Variants in HSD17B2 observed in about 807,000 individuals in gnomAD.
The protein encoded by HSD17B2 is 17-beta-hydroxysteroid dehydrogenase type 2.
A neutral mutation model predicts 26.9 loss-of-function variants in HSD17B2; 32 were observed. That is an observed-to-expected ratio of 1.19 (90% CI 0.90 to 1.60). HSD17B2 has a LOEUF of 1.60. Ranked by LOEUF, HSD17B2 falls within the 40% of genes most tolerant of loss-of-function variation. The pLI is 0.00. For missense variants in HSD17B2, 613 were observed against 468.6 expected, an observed-to-expected ratio of 1.31 and a Z score of -2.85; for synonymous variants, 246 against 186.7, an observed-to-expected ratio of 1.32 and a Z score of -2.59.
chr16:82,047,219 TC>T (rs1913959460), intron 1 of HSD17B2, among the ~76,000 whole-genome samples: 1 of 152,222 alleles, frequency 6.6e-6, no homozygotes, highest in Non-Finnish European at 1.5e-5. Context: ...GTCACTGTTT[TC>T]CAAATATTCC....
At chr16:82,080,262 C>G (rs1042993399) in intron 3 of HSD17B2, among the ~76,000 whole-genome samples, 6 of 152,148 alleles carry the variant, frequency 3.9e-5, no homozygotes, top group African/African-American at 1.2e-4. Context: ...AACCTGTGAG[C>G]CTGTTACCTC....
At chr16:82,064,818 G>C (rs1914533099) in intron 1 of HSD17B2, among the ~76,000 whole-genome samples, 1 of 152,152 alleles carries the variant, frequency 6.6e-6, no homozygotes, top group South Asian at 2.1e-4. Flanking sequence ...GCTCTTATTT[G>C]TAGCTTTGCC....
chr16:82,073,848 A>G (rs1364543142), intron 3 of HSD17B2, among the ~76,000 whole-genome samples: 8 of 152,224 alleles, frequency 5.3e-5, no homozygotes, highest in African/African-American at 1.9e-4. Context: ...CTAGAAAAAA[A>G]GATTTAAAAA....
chr16:82,093,324 G>C (rs903900543), intron 4 of HSD17B2: 3 of 152,104 alleles, frequency 2.0e-5, no homozygotes, highest in Non-Finnish European at 4.4e-5. Context: ...AATAGCATTT[G>C]ACTTTAACTG....
intron 3 of HSD17B2, among the ~76,000 whole-genome samples, chr16:82,089,012 A>G (rs1904608074): frequency 6.6e-6 from 1 of 152,128 alleles, no homozygotes; most frequent in Admixed American, 6.6e-5. Flanking sequence ...CCCTCTCATC[A>G]TGAAGGCTCC....
At chr16:82,071,441 T>C (rs925016976) in intron 3 of HSD17B2, 4 of 422,092 alleles carry the variant, frequency 9.5e-6, no homozygotes, top group Non-Finnish European at 1.8e-5. Flanking sequence ...ACATTACAAA[T>C]AATGTCAGCA....
chr16:82,097,277 T>TATATATATATACAC (rs1491106183), intron 4 of HSD17B2: 1,649 of 124,824 alleles, frequency 0.013, 7 homozygotes, highest in Non-Finnish European at 0.018. Context: ...TATGTGTGTG[T>TATATATATATACAC]ATGTGTGTGT....
chr16:82,057,879 C>A (rs183503379), intron 1 of HSD17B2, among the ~76,000 whole-genome samples: 2 of 152,256 alleles, frequency 1.3e-5, no homozygotes, highest in East Asian at 3.9e-4. Flanking sequence ...CCACAGGAGT[C>A]TAAGCAGACA....
At chr16:82,090,798 C>T (rs1597139804) in intron 3 of HSD17B2, 104 bp from the exon 4 acceptor site, 4 of 1,138,030 alleles carry the variant, frequency 3.5e-6, no homozygotes, top group Non-Finnish European at 4.9e-6. Context: ...CTGCCCAAGT[C>T]ACTGATACCA....
chr16:82,039,754 G>C (rs1323127497), intron 1 of HSD17B2, among the ~76,000 whole-genome samples: 3 of 152,074 alleles, frequency 2.0e-5, no homozygotes, highest in Non-Finnish European at 1.5e-5. Context: ...GCCCCCTCCA[G>C]TCATCTCAAA....
chr16:82,049,701 C>T (rs1185552296), intron 1 of HSD17B2, among the ~76,000 whole-genome samples: 1 of 152,218 alleles, frequency 6.6e-6, no homozygotes. Context: ...TCTGGAACTG[C>T]AGGTAATACA....
chr16:82,087,449 A>G (rs1378244719), intron 3 of HSD17B2, among the ~76,000 whole-genome samples: 1 of 152,202 alleles, frequency 6.6e-6, no homozygotes, highest in African/African-American at 2.4e-5. Flanking sequence ...GTCATCTTAA[A>G]CATTAACGGC....
chr16:82,060,012 G>A (rs1377405662), intron 1 of HSD17B2, among the ~76,000 whole-genome samples: 1 of 152,180 alleles, frequency 6.6e-6, no homozygotes, highest in Non-Finnish European at 1.5e-5. Context: ...AAAGGAGGAG[G>A]GAGGTCAAGT....
chr16:82,087,481 AAC>A (rs1461627949), intron 3 of HSD17B2, among the ~76,000 whole-genome samples: 2 of 152,200 alleles, frequency 1.3e-5, no homozygotes, highest in African/African-American at 4.8e-5. Flanking sequence ...GATGAGGTTG[AAC>A]CATACAATAC....
Position 82,088,028 on chromosome 16 carries a change from C to T in HSD17B2, c.665-2874C>T, listed in dbSNP as rs541898133. ...TTGGAGGGACACATTCAAACCACAG[C>T]GCTTACCCATAAGGCAGTGCATTAT... On this transcript the variant is annotated intron_variant, in intron 3 of 4. Coordinates refer to ENST00000199936, the MANE Select transcript of HSD17B2 (RefSeq NM_002153.3). 7.9e-5 allele frequency among the ~76,000 whole-genome samples: 12 copies of T among 152,286 alleles called. No individual in the cohort carries two copies. The East Asian group carries it at 1.9e-3, about 24-fold the overall frequency.
rs183488448 is a variant in HSD17B2 at position 82,087,030 on chromosome 16, T to G, written c.665-3872T>G. ...CTCATCTTTCTGATCTCATTTAACT[T>G]TACTTTTTTAGAGTCCTCATTTCCA... is the stretch of plus-strand genomic sequence containing the variant. On this transcript the variant is annotated intron_variant, in intron 3 of 4. Coordinates refer to ENST00000199936, the MANE Select transcript of HSD17B2 (RefSeq NM_002153.3). 5.2e-3 allele frequency among the ~76,000 whole-genome samples: 799 copies of G among 152,316 alleles called. 6 individuals carry two copies. Among genetic ancestry groups the G allele is most frequent in the Admixed American group, 8.3e-3 (127 of 15,290 alleles).
rs1210732001 is a variant in HSD17B2, at chr16:82,090,771, G to T, written c.665-131G>T. 4 of 797,684 alleles carry T rather than the reference G, an allele frequency of 5.0e-6. No homozygotes were observed. The East Asian group carries it at 8.1e-5, about 16-fold the overall frequency. The allele number at this position is 797,684 out of a possible 1,614,324, so 49.4% of individuals were successfully genotyped here. A position where few individuals can be genotyped will look rare whatever the true frequency, so the allele number is the denominator to read the frequency against. On this transcript the variant is annotated intron_variant, in intron 3 of 4. Coordinates refer to ENST00000199936, the MANE Select transcript of HSD17B2 (RefSeq NM_002153.3). ...AACATTGCTCACCTGGGCTCAGGGG[G>T]CCTTGCCTGCCTTTGTCTGCCCAAG... is the stretch of plus-strand genomic sequence containing the variant.
intron 1 of HSD17B2, among the ~76,000 whole-genome samples, chr16:82,051,155 C>T (rs1914094555): frequency 6.6e-6 from 1 of 152,150 alleles, no homozygotes; most frequent in Non-Finnish European, 1.5e-5. Context: ...GAATATTTAT[C>T]TAGTAAATAT....
chr16:82,097,910 C>G, intron 4 of HSD17B2, 165 bp from the exon 5 acceptor site: 1 of 579,072 alleles, frequency 1.7e-6, no homozygotes, highest in Non-Finnish European at 2.7e-6. Context: ...TGCACTTAAG[C>G]CTGAGAGACA....
Sources: gnomAD v4.1 joint callset for allele counts (sites outside exome capture counted in the v4.1 genomes callset) on GRCh38, gnomAD v4.1.1 for gene constraint, MANE v1.5 for transcripts, NCBI Gene and HGNC (gene_info 2026-07-23, HGNC 2026-07-21) for gene names.